The following SSBP3 variants were observed in gnomAD, a reference collection of about 807,000 sequenced individuals.
SSBP3 encodes the protein single stranded DNA binding protein 3, also known as single-stranded DNA-binding protein 3.
A neutral mutation model predicts 69.6 loss-of-function variants in SSBP3; 5 were observed. That is an observed-to-expected ratio of 0.07 (90% CI 0.04 to 0.15). The LOEUF (loss-of-function observed/expected upper bound fraction) is 0.15. Among genes scored for constraint, SSBP3 ranks in the 10% least tolerant of loss-of-function variants. SSBP3 has a pLI of 1.00. For synonymous variants in SSBP3, 196 were observed against 193.4 expected, an observed-to-expected ratio of 1.01 and a Z score of -0.11; for missense variants, 312 against 534.0, an observed-to-expected ratio of 0.58 and a Z score of 4.10.
intron 4 of SSBP3, among the ~76,000 whole-genome samples, chr1:54,389,416 C>A (rs1157942950): frequency 6.6e-6 from 1 of 152,178 alleles, no homozygotes. Flanking sequence ...CCTCTACCCA[C>A]AGAGAAGCAC....
At chr1:54,336,994 G>A (rs1046664394) in intron 4 of SSBP3, among the ~76,000 whole-genome samples, 2 of 152,212 alleles carry the variant, frequency 1.3e-5, no homozygotes, top group Non-Finnish European at 2.9e-5. Flanking sequence ...AGAGGTGGAG[G>A]GGGAAAGCAT....
chr1:54,307,282 ACT>A (rs1645918152), intron 4 of SSBP3, among the ~76,000 whole-genome samples: 1 of 151,188 alleles, frequency 6.6e-6, no homozygotes, highest in Non-Finnish European at 1.5e-5. Context: ...CACCCGCTCT[ACT>A]CTCTACTCCC....
intron 4 of SSBP3, among the ~76,000 whole-genome samples, chr1:54,311,414 T>C (rs907082564): frequency 2.6e-5 from 4 of 152,132 alleles, no homozygotes; most frequent in Non-Finnish European, 4.4e-5. Context: ...TGGGAAACTT[T>C]CCAGGCAAAG....
intron 5 of SSBP3, among the ~76,000 whole-genome samples, chr1:54,267,051 T>C (rs1473980587): frequency 6.6e-6 from 1 of 152,232 alleles, no homozygotes; most frequent in Non-Finnish European, 1.5e-5. Flanking sequence ...TGAGTTCTTT[T>C]GGCAGGTTCA....
At chr1:54,261,931 G>C (rs1184202221) in intron 5 of SSBP3, among the ~76,000 whole-genome samples, 1 of 152,092 alleles carries the variant, frequency 6.6e-6, no homozygotes, top group East Asian at 1.9e-4. Context: ...ATTTGCAGGG[G>C]AGGAGAAAAG....
intron 4 of SSBP3, among the ~76,000 whole-genome samples, chr1:54,397,289 G>A (rs1570051006): frequency 6.6e-6 from 1 of 152,144 alleles, no homozygotes; most frequent in South Asian, 2.1e-4. Context: ...CCCCCGAAAG[G>A]GTTCTGGCAG....
chr1:54,283,860 T>A (rs577474872), intron 4 of SSBP3, among the ~76,000 whole-genome samples: 4 of 152,224 alleles, frequency 2.6e-5, no homozygotes, highest in Non-Finnish European at 5.9e-5. Context: ...CGTGAGGGAA[T>A]CGCCAGCTTA....
intron 4 of SSBP3, among the ~76,000 whole-genome samples, chr1:54,292,558 T>G (rs1459349708): frequency 6.6e-6 from 1 of 152,020 alleles, no homozygotes; most frequent in Admixed American, 6.6e-5. Flanking sequence ...GCACAAGCCC[T>G]CTGAGGACCC....
At chr1:54,245,300 G>A (rs181839823) in intron 9 of SSBP3, among the ~76,000 whole-genome samples, 4 of 152,294 alleles carry the variant, frequency 2.6e-5, no homozygotes, top group East Asian at 1.9e-4. Context: ...GGAGACTGAA[G>A]GTCTGAGGGA....
In SSBP3 at chr1:54,240,071, T is replaced by C. The variant is rs1557448371; in HGVS notation, c.856+834A>G. Among the ~76,000 whole-genome samples the C allele has an allele frequency of 6.1e-4, 16 of 26,216 alleles. No homozygotes were observed. In the South Asian group the frequency reaches 6.5e-3, roughly 11 times the overall value. The allele number at this position is 26,216 out of a possible 152,430, so 17.2% of individuals were successfully genotyped here. On this transcript the variant is annotated intron_variant, in intron 13 of 17. Coordinates refer to ENST00000610401, the Ensembl canonical transcript of SSBP3. The stretch of plus-strand genomic sequence containing the variant: ...GGGTGTGTGTGTGTGTGTGTGTGTG[T>C]GTGTGTGTGTGTGTGTGCGCGCGCG...
intron 4 of SSBP3, among the ~76,000 whole-genome samples, chr1:54,289,963 T>C (rs1443583409): frequency 1.3e-5 from 2 of 152,060 alleles, no homozygotes; most frequent in Non-Finnish European, 2.9e-5. Context: ...TCATCCAGTC[T>C]CTCTCCCTCC....
intron 4 of SSBP3, among the ~76,000 whole-genome samples, chr1:54,376,439 C>G (rs1181172823): frequency 2.6e-5 from 4 of 152,192 alleles, no homozygotes; most frequent in Non-Finnish European, 4.4e-5. Context: ...AGACGCAGCC[C>G]TTACAGCTCC....
chr1:54,389,226 T>C (rs985034244), intron 4 of SSBP3, among the ~76,000 whole-genome samples: 1 of 152,156 alleles, frequency 6.6e-6, no homozygotes, highest in Non-Finnish European at 1.5e-5. Context: ...GGTGACTCAA[T>C]GCATGCAATC....
chr1:54,237,973 G>A (rs1644528387), intron 14 of SSBP3: 4 of 368,826 alleles, frequency 1.1e-5, no homozygotes, highest in East Asian at 7.5e-5. Context: ...TACAAATGGT[G>A]CTGTCATCCC....
At chr1:54,336,281 T>C (rs2100490407) in intron 4 of SSBP3, among the ~76,000 whole-genome samples, 1 of 152,330 alleles carries the variant, frequency 6.6e-6, no homozygotes, top group East Asian at 1.9e-4. Flanking sequence ...TGGGATTAAA[T>C]GGATGCTGAC....
At chr1:54,357,493 A>G (rs1024409777) in intron 4 of SSBP3, among the ~76,000 whole-genome samples, 5 of 151,954 alleles carry the variant, frequency 3.3e-5, no homozygotes, top group African/African-American at 1.2e-4. Context: ...AGAAAATTCA[A>G]CCCTGCACAT....
At chr1:54,317,598 A>T (rs1035589472) in intron 4 of SSBP3, among the ~76,000 whole-genome samples, 2 of 152,160 alleles carry the variant, frequency 1.3e-5, no homozygotes, top group Admixed American at 1.3e-4. Flanking sequence ...CCACAAAAAA[A>T]TGTGTAGACC....
intron 4 of SSBP3, among the ~76,000 whole-genome samples, chr1:54,310,164 C>T (rs865879112): frequency 1.8e-4 from 28 of 152,256 alleles, no homozygotes; most frequent in African/African-American, 4.1e-4. Flanking sequence ...ACAAGATGCC[C>T]GTCTTAGTGC....
At chr1:54,356,217 G>T (rs1252996759) in intron 4 of SSBP3, among the ~76,000 whole-genome samples, 1 of 152,144 alleles carries the variant, frequency 6.6e-6, no homozygotes, top group Non-Finnish European at 1.5e-5. Context: ...AAATCCCGGG[G>T]AGCTGGCCTG....
Sources: gnomAD v4.1 joint callset for allele counts (sites outside exome capture counted in the v4.1 genomes callset) on GRCh38, gnomAD v4.1.1 for gene constraint, MANE v1.5 for transcripts, NCBI Gene and HGNC (gene_info 2026-07-23, HGNC 2026-07-21) for gene names.